The following MOBP variants were observed in gnomAD, a reference collection of about 807,000 sequenced individuals.
MOBP encodes the protein myelin associated oligodendrocyte basic protein.
A neutral mutation model predicts 15.0 loss-of-function variants in MOBP; 5 were observed. That is an observed-to-expected ratio of 0.33 (90% CI 0.17 to 0.70). The LOEUF is 0.70. MOBP is among the 30% of genes least tolerant of loss of function. The pLI, the probability that MOBP is intolerant of heterozygous loss-of-function variation, is 0.67. For synonymous variants in MOBP, 88 were observed against 99.0 expected, an observed-to-expected ratio of 0.89 and a Z score of 0.66; for missense variants, 188 against 257.8, an observed-to-expected ratio of 0.73 and a Z score of 1.85.
chr3:39,504,602 T>C (rs2043026220), downstream of MOBP, among the ~76,000 whole-genome samples: 2 of 152,280 alleles, frequency 1.3e-5, no homozygotes, highest in African/African-American at 4.8e-5. Context: ...TCTGAAAGTC[T>C]TCATTCGTAA....
At chr3:39,471,033 T>G (rs373496018) in intron 1 of MOBP, among the ~76,000 whole-genome samples, 1 of 152,192 alleles carries the variant, frequency 6.6e-6, no homozygotes, top group Non-Finnish European at 1.5e-5. Flanking sequence ...CTAGCTAACT[T>G]GTGCTGAATG....
At chr3:39,510,028 G>A (rs1405144453) in intron 4 of MOBP, among the ~76,000 whole-genome samples, 1 of 151,936 alleles carries the variant, frequency 6.6e-6, no homozygotes, top group Non-Finnish European at 1.5e-5. Context: ...CAATTTTTTT[G>A]TATATGGTTT....
At chr3:39,520,881 A>G (rs78535194), downstream of MOBP, among the ~76,000 whole-genome samples, 448 of 152,248 alleles carry the variant, frequency 2.9e-3, 3 homozygotes, top group African/African-American at 0.01. Context: ...GAAAATGAAA[A>G]AACTTTAGTG....
At chr3:39,522,615 T>C (rs1194159528) in intron 3 of MOBP, among the ~76,000 whole-genome samples, 1 of 152,222 alleles carries the variant, frequency 6.6e-6, no homozygotes, top group Non-Finnish European at 1.5e-5. Context: ...AAACAGACTT[T>C]GCCTAGAAAT....
At chr3:39,510,368 T>C (rs1284775771) in intron 4 of MOBP, among the ~76,000 whole-genome samples, 4 of 152,184 alleles carry the variant, frequency 2.6e-5, no homozygotes, top group Admixed American at 1.3e-4. Context: ...CAATATATTA[T>C]GGTAGGATTT....
intron 4 of MOBP, chr3:39,513,286 C>T (rs1347790111): frequency 9.7e-6 from 11 of 1,133,518 alleles, no homozygotes; most frequent in Non-Finnish European, 1.4e-5. Context: ...AAGGTAGTCT[C>T]AAAATCCACA....
At chr3:39,513,183 A>G (rs145711089) in intron 4 of MOBP, among the ~76,000 whole-genome samples, 17 of 152,374 alleles carry the variant, frequency 1.1e-4, no homozygotes, top group African/African-American at 3.1e-4. Context: ...TATCTTTCCT[A>G]GGCTCGGGCC....
intron 2 of MOBP, among the ~76,000 whole-genome samples, chr3:39,485,985 C>G (rs1250604103): frequency 6.6e-6 from 1 of 152,160 alleles, no homozygotes; most frequent in South Asian, 2.1e-4. Flanking sequence ...ATCCTGGTTA[C>G]TAAAACTTCA....
Position 39,502,557 on chromosome 3 carries a change from C to G in MOBP, c.229C>G (p.Pro77Ala), listed in dbSNP as rs1165595919. ...CAGAACCAGCCGCCGTGCCAAGTCCCCTCAGAGGCCCAAGCAACAGCCAGC... is the reference window on the plus strand; with the variant it reads ...CAGAACCAGCCGCCGTGCCAAGTCCGCTCAGAGGCCCAAGCAACAGCCAGC... ...KTRTSRRAKS[P>A]QRPKQQPAAP... is the part of the protein sequence containing the mutation. The change falls in exon 4 of 4, where the codon CCT becomes GCT. Residue 77 changes from proline (P) to alanine (A), a missense_variant. Physicochemically the swap from Pro to Ala is conservative, Grantham distance 27. Transcript: ENST00000684792. This position sits in a 1 kb window ranked among gnomAD's most constrained non-coding sequence, Gnocchi z 6.3. The G allele has an allele frequency of 6.3e-7, 1 of 1,580,828 alleles. No individual in the cohort carries two copies. The highest frequency in any genetic ancestry group is 1.1e-5 in the South Asian group (1 of 87,852).
intron 4 of MOBP, among the ~76,000 whole-genome samples, chr3:39,511,453 G>T (rs1038653028): frequency 1.3e-5 from 2 of 152,164 alleles, no homozygotes; most frequent in Non-Finnish European, 2.9e-5. Flanking sequence ...GTGTACTAGT[G>T]ACCTGTTATT....
At chr3:39,510,528 G>T (rs911353738) in intron 4 of MOBP, among the ~76,000 whole-genome samples, 19 of 152,036 alleles carry the variant, frequency 1.2e-4, no homozygotes, top group Non-Finnish European at 1.5e-5. Flanking sequence ...CACATATTTT[G>T]TTTGGTTTGT....
In MOBP at chr3:39,469,182, G is replaced by GTGTATATATACATATATACA. The variant is rs1559412283; in HGVS notation, c.-89+1445_-89+1446insATATATACATATATACATGT. ...TGTGTGTGTATACATATATACATGT[G>GTGTATATATACATATATACA]TGTGTGTGTATATACATATATACAT... is the stretch of plus-strand genomic sequence containing the variant. On this transcript the variant is annotated intron_variant, in intron 1 of 3. Coordinates refer to ENST00000684792, the MANE Select transcript of MOBP (RefSeq NM_001393704.1). Among the ~76,000 whole-genome samples the GTGTATATATACATATATACA allele has an allele frequency of 4.9e-5, 4 of 81,936 alleles. 1 individual carries two copies. Among genetic ancestry groups the GTGTATATATACATATATACA allele is most frequent in the African/African-American group, 2.5e-4 (3 of 11,920 alleles). 53.8% of individuals were successfully genotyped at this position (81,936 alleles called of 152,430 possible). A position where few individuals can be genotyped will look rare whatever the true frequency, so the allele number is the denominator to read the frequency against.
chr3:39,488,709 TTC>T (rs1468598457), intron 2 of MOBP, among the ~76,000 whole-genome samples: 79 of 152,324 alleles, frequency 5.2e-4, no homozygotes, highest in African/African-American at 1.9e-3. Flanking sequence ...TCATTGGGCA[TTC>T]GCTTAAGTCA....
At chr3:39,487,046 T>C (rs2042720687) in intron 2 of MOBP, among the ~76,000 whole-genome samples, 1 of 151,304 alleles carries the variant, frequency 6.6e-6, no homozygotes. Flanking sequence ...GCTCAAGAGA[T>C]CCTTTCATCT....
downstream of MOBP, chr3:39,528,566 G>A (rs1312977926): frequency 2.0e-5 from 3 of 152,228 alleles, no homozygotes; most frequent in African/African-American, 7.2e-5. Flanking sequence ...GTGTATTGAT[G>A]AACCCCAATT....
downstream of MOBP, among the ~76,000 whole-genome samples, chr3:39,519,480 A>C (rs1394538399): frequency 2.8e-5 from 4 of 142,590 alleles, no homozygotes; most frequent in Non-Finnish European, 4.6e-5. Context: ...ACACTTCATT[A>C]TTTGGCTTAG....
intron 2 of MOBP, among the ~76,000 whole-genome samples, chr3:39,490,948 A>G (rs2042786935): frequency 6.6e-6 from 1 of 152,146 alleles, no homozygotes; most frequent in Non-Finnish European, 1.5e-5. Flanking sequence ...TACCGGAAGG[A>G]ATTAGGAAAA....
At chr3:39,471,276 C>T (rs1199720630) in intron 1 of MOBP, among the ~76,000 whole-genome samples, 2 of 151,896 alleles carry the variant, frequency 1.3e-5, no homozygotes, top group East Asian at 1.9e-4. Context: ...ACTGCAGGCT[C>T]GTGCCACCAC....
intron 2 of MOBP, among the ~76,000 whole-genome samples, chr3:39,485,683 G>A (rs1244234246): frequency 2.0e-5 from 3 of 152,130 alleles, no homozygotes; most frequent in Admixed American, 2.0e-4. Flanking sequence ...GCCTGTGGGC[G>A]TTCCTCTCAC....
Sources: allele counts gnomAD v4.1 joint callset (sites outside exome capture counted in the v4.1 genomes callset), GRCh38; gene constraint gnomAD v4.1.1; non-coding constraint Gnocchi (gnomAD v3.1); transcripts MANE v1.5; gene names NCBI Gene and HGNC (gene_info 2026-07-23, HGNC 2026-07-21).